Variants in SCLT1 observed in about 807,000 individuals in gnomAD.
The protein encoded by SCLT1 is sodium channel-associated protein 1.
Under a neutral mutation model 112.8 loss-of-function variants are expected in SCLT1, and 78 were observed. The observed-to-expected ratio is 0.69, with a 90% confidence interval of 0.58 to 0.83. SCLT1 has a LOEUF of 0.83. Among genes scored for constraint, SCLT1 ranks in the 40% least tolerant of loss-of-function variants. The pLI is 0.00. For synonymous variants in SCLT1, 257 were observed against 254.7 expected (o/e 1.01, Z -0.09); for missense variants, 747 against 770.4 (o/e 0.97, Z 0.36).
chr4:128,968,176 C>T (rs1740375641), intron 10 of SCLT1, among the ~76,000 whole-genome samples: 1 of 152,080 alleles, frequency 6.6e-6, no homozygotes, highest in South Asian at 2.1e-4. Flanking sequence ...TGCTCCCATC[C>T]CCCTCCCTTT....
At chr4:129,081,027 G>A (rs1294829463) in intron 2 of SCLT1, among the ~76,000 whole-genome samples, 1 of 152,066 alleles carries the variant, frequency 6.6e-6, no homozygotes, top group African/African-American at 2.4e-5. Context: ...GCATTCCACA[G>A]GTTGCCCAGG....
At chr4:129,006,881 A>G (rs753776590) in intron 5 of SCLT1, among the ~76,000 whole-genome samples, 9 of 152,186 alleles carry the variant, frequency 5.9e-5, no homozygotes, top group Non-Finnish European at 1.3e-4. Context: ...TTTCTAATAC[A>G]TACTCTTAAG....
intron 2 of SCLT1, among the ~76,000 whole-genome samples, chr4:129,057,908 C>T (rs1475808866): frequency 2.6e-5 from 4 of 151,920 alleles, no homozygotes; most frequent in Non-Finnish European, 5.9e-5. Flanking sequence ...CCCACCACCA[C>T]GCCTGGCTAA....
At position 129,055,798 on chromosome 4, in the gene SCLT1, G is replaced by A. The variant is rs566196963; in HGVS notation, c.103-11747C>T. ...GGAGTGAGTAATTCTGTCTCGCTGGGGTTCCAGGCGCCACTGGCATAAAAA... is the reference window on the plus strand; with the variant it reads ...GGAGTGAGTAATTCTGTCTCGCTGGAGTTCCAGGCGCCACTGGCATAAAAA... On this transcript the variant is annotated intron_variant, in intron 2 of 20. Transcript: ENST00000281142. Among the ~76,000 whole-genome samples, 3 of 151,632 alleles carry A rather than the reference G, an allele frequency of 2.0e-5. No homozygotes were observed. In the South Asian group the frequency reaches 6.3e-4, roughly 32 times the overall value.
intron 4 of SCLT1, chr4:129,040,039 G>A (rs1747562290): frequency 1.6e-6 from 1 of 611,032 alleles, no homozygotes; most frequent in Non-Finnish European, 3.0e-6. Flanking sequence ...AAGGAGAGAA[G>A]CTTATCCTGG....
intron 8 of SCLT1, among the ~76,000 whole-genome samples, chr4:128,994,509 A>G (rs1742840386): frequency 6.6e-6 from 1 of 152,146 alleles, no homozygotes; most frequent in Non-Finnish European, 1.5e-5. Flanking sequence ...TCTTAATTTC[A>G]ATACGTTGGG....
intron 2 of SCLT1, among the ~76,000 whole-genome samples, chr4:129,068,353 T>C (rs1389110038): frequency 6.6e-6 from 1 of 152,202 alleles, no homozygotes; most frequent in Non-Finnish European, 1.5e-5. Context: ...GTAGAAGTGT[T>C]CCCTGTTCAC....
intron 15 of SCLT1, among the ~76,000 whole-genome samples, chr4:128,948,277 A>C (rs533137534): frequency 7.1e-6 from 1 of 141,158 alleles, no homozygotes. Context: ...TGGAGGTTGC[A>C]GTGAGCCGAG....
intron 18 of SCLT1, among the ~76,000 whole-genome samples, chr4:128,907,207 G>A (rs1015737060): frequency 4.6e-5 from 7 of 152,144 alleles, no homozygotes; most frequent in East Asian, 1.9e-4. Flanking sequence ...CTTATAAGTC[G>A]TAACAGGAAA....
intron 18 of SCLT1, among the ~76,000 whole-genome samples, chr4:128,928,094 T>G (rs908872554): frequency 2.0e-5 from 3 of 152,096 alleles, no homozygotes; most frequent in Non-Finnish European, 4.4e-5. Context: ...AAATTTTGAT[T>G]GACTCAACGA....
chr4:129,088,892 TA>T (rs1044715771), intron 1 of SCLT1, among the ~76,000 whole-genome samples: 73 of 152,214 alleles, frequency 4.8e-4, no homozygotes, highest in African/African-American at 1.7e-3. Context: ...CCTAAAACTA[TA>T]AAAACCCTAG....
intron 18 of SCLT1, among the ~76,000 whole-genome samples, chr4:128,930,110 C>G (rs10049658): frequency 0.71 from 107,207 of 151,626 alleles, 37,988 homozygotes; most frequent in African/African-American, 0.75. Flanking sequence ...CTGGATTTAG[C>G]AACTCACTTC....
intron 2 of SCLT1, among the ~76,000 whole-genome samples, chr4:129,070,432 C>T (rs563653583): frequency 5.1e-4 from 78 of 152,004 alleles, no homozygotes; most frequent in Non-Finnish European, 7.4e-4. Context: ...ACTTCAATCT[C>T]GCTGCTTGTT....
chr4:129,037,006 T>C (rs1392432795), intron 5 of SCLT1: 2 of 151,984 alleles, frequency 1.3e-5, no homozygotes, highest in Non-Finnish European at 2.9e-5. Flanking sequence ...GGGTTAAAGT[T>C]AAGAAACTTG....
chr4:128,964,115 C>T lies in SCLT1; in HGVS notation c.869+1112G>A, dbSNP rs148235373. 3.9e-5 allele frequency among the ~76,000 whole-genome samples: 6 copies of T among 152,278 alleles called. No individual in the cohort carries two copies. In the South Asian group the frequency reaches 1.0e-3, roughly 26 times the overall value. On this transcript the variant is annotated intron_variant, in intron 11 of 20. Transcript: ENST00000281142. ...AAAAAAGATTTTTAAAAAAGTACTG[C>T]ATGGACCATTCTGATATACCAGTGT...
At chr4:128,913,164 T>C (rs1735228808) in intron 18 of SCLT1, among the ~76,000 whole-genome samples, 1 of 152,214 alleles carries the variant, frequency 6.6e-6, no homozygotes. Flanking sequence ...CATTCTGTTG[T>C]TGTGGAAAAT....
intron 9 of SCLT1, among the ~76,000 whole-genome samples, chr4:128,983,168 G>A (rs900073579): frequency 5.9e-5 from 9 of 152,190 alleles, no homozygotes; most frequent in Admixed American, 1.3e-4. Flanking sequence ...GATTACAGGC[G>A]TGAGCCACTG....
At chr4:128,891,237 A>G in intron 18 of SCLT1, 100 bp from the exon 19 acceptor site, 1 of 857,334 alleles carries the variant, frequency 1.2e-6, no homozygotes, top group Non-Finnish European at 1.9e-6. Flanking sequence ...CAAAAATATC[A>G]TCTTGAGGTG....
chr4:129,084,087 C>G (rs1266640656), intron 1 of SCLT1, among the ~76,000 whole-genome samples: 1 of 152,140 alleles, frequency 6.6e-6, no homozygotes, highest in African/African-American at 2.4e-5. Context: ...AAACATCATA[C>G]TCATGAGTAA....
Sources: allele counts gnomAD v4.1 joint callset (sites outside exome capture counted in the v4.1 genomes callset), GRCh38; gene constraint gnomAD v4.1.1; transcripts MANE v1.5; gene names NCBI Gene and HGNC (gene_info 2026-07-23, HGNC 2026-07-21).